Variants in TRIM2 observed in about 807,000 individuals in gnomAD.
The protein encoded by TRIM2 is tripartite motif-containing protein 2.
A neutral mutation model predicts 75.2 loss-of-function variants in TRIM2; 20 were observed. That is an observed-to-expected ratio of 0.27 (90% confidence interval 0.19 to 0.39). The LOEUF (loss-of-function observed/expected upper bound fraction) is 0.39. Ranked by LOEUF, TRIM2 falls within the 10% of genes least tolerant of loss-of-function variation. The pLI, the probability that TRIM2 is intolerant of heterozygous loss-of-function variation, is 1.00. For synonymous variants in TRIM2, 373 were observed against 388.3 expected (o/e 0.96, Z 0.46); for missense variants, 660 against 990.8 (o/e 0.67, Z 4.48).
At chr4:153,276,393 C>T in intron 3 of TRIM2, 1 of 532,480 alleles carries the variant, frequency 1.9e-6, no homozygotes, top group South Asian at 3.3e-5. Flanking sequence ...TATTTGCAAG[C>T]TGACCTACAT....
At position 153,278,619 on chromosome 4, in the gene TRIM2, C is replaced by T. The variant is rs182292150; in HGVS notation, c.453+2489C>T. Among the ~76,000 whole-genome samples the T allele has an allele frequency of 1.6e-3, 241 of 151,980 alleles. 2 individuals carry two copies. The highest frequency in any genetic ancestry group is 5.6e-3 in the African/African-American group (232 of 41,478). The stretch of plus-strand genomic sequence containing the variant: ...TTTGAGACCTGACTGGGCAACATGG[C>T]GAAATCCCACCTCTACCAAAAATAC... On this transcript the variant is annotated intron_variant, in intron 3 of 11. Coordinates refer to ENST00000338700, the MANE Select transcript of TRIM2 (RefSeq NM_015271.5).
chr4:153,155,849 T>G (rs1729183291), intron 1 of TRIM2, among the ~76,000 whole-genome samples: 1 of 152,148 alleles, frequency 6.6e-6, no homozygotes, highest in Admixed American at 6.5e-5. Flanking sequence ...TAGAGAAACG[T>G]TGGTCCATGC....
intron 1 of TRIM2, among the ~76,000 whole-genome samples, chr4:153,154,140 G>T (rs1169643499): frequency 6.6e-6 from 1 of 152,214 alleles, no homozygotes; most frequent in Non-Finnish European, 1.5e-5. Flanking sequence ...CTTCCCTAAA[G>T]GTTCCGAGGA....
chr4:153,201,090 A>G (rs1734318973), upstream of TRIM2, among the ~76,000 whole-genome samples: 1 of 151,978 alleles, frequency 6.6e-6, no homozygotes, highest in Admixed American at 6.6e-5. Flanking sequence ...CAACCTACCG[A>G]GTAGCTGGGA....
At chr4:153,272,579 C>T (rs1209596674) in intron 2 of TRIM2, among the ~76,000 whole-genome samples, 1 of 151,984 alleles carries the variant, frequency 6.6e-6, no homozygotes, top group Non-Finnish European at 1.5e-5. Flanking sequence ...CTCAATTTCC[C>T]AGGCTCCAGA....
chr4:153,251,848 G>A (rs1278817980), intron 1 of TRIM2, among the ~76,000 whole-genome samples: 1 of 152,102 alleles, frequency 6.6e-6, no homozygotes, highest in Admixed American at 6.6e-5. Context: ...TAGCATGGTG[G>A]TACACGCCTG....
intron 1 of TRIM2, among the ~76,000 whole-genome samples, chr4:153,244,358 T>TTCC (rs1229665957): frequency 4.1e-3 from 92 of 22,208 alleles, no homozygotes; most frequent in Non-Finnish European, 5.3e-3. Flanking sequence ...CTTCTTCCTC[T>TTCC]TCTTCTTCTT....
rs749175384 is a variant in TRIM2 at position 153,164,910 on chromosome 4, A to AT, written c.-49+11649dup. 3.3e-3 allele frequency among the ~76,000 whole-genome samples: 494 copies of AT among 151,162 alleles called. 1 individual carries two copies. Among genetic ancestry groups the AT allele is most frequent in the Non-Finnish European group, 5.8e-3 (392 of 67,752 alleles). On this transcript the variant is annotated intron_variant, in intron 1 of 11. Transcript: ENST00000437508. ...AGTTGTGTTTCCTTTCATAGGCTGG[A>AT]TTTTTTTTTGTTTTGTTTTATCCAG...
intron 1 of TRIM2, among the ~76,000 whole-genome samples, chr4:153,160,734 A>G (rs1729659202): frequency 6.6e-6 from 1 of 152,192 alleles, no homozygotes; most frequent in Non-Finnish European, 1.5e-5. Context: ...AGCTGGGACT[A>G]TAGGCATGCA....
intron 8 of TRIM2, among the ~76,000 whole-genome samples, chr4:153,318,105 C>T (rs529781793): frequency 3.0e-4 from 45 of 152,336 alleles, no homozygotes; most frequent in Non-Finnish European, 6.2e-4. Context: ...CTTGTTTGGT[C>T]AGCTGTGATC....
chr4:153,284,113 A>G (rs1760034649), intron 3 of TRIM2, among the ~76,000 whole-genome samples: 2 of 151,474 alleles, frequency 1.3e-5, no homozygotes, highest in African/African-American at 4.9e-5. Flanking sequence ...TCCTGACCTC[A>G]GGTGATCCGC....
At chr4:153,277,430 G>A (rs1385650024) in intron 3 of TRIM2, among the ~76,000 whole-genome samples, 5 of 152,144 alleles carry the variant, frequency 3.3e-5, no homozygotes, top group Admixed American at 3.3e-4. Context: ...CTGTGTATTT[G>A]TGTACTTATT....
intron 1 of TRIM2, among the ~76,000 whole-genome samples, chr4:153,199,200 G>A (rs940580058): frequency 3.9e-5 from 6 of 152,180 alleles, no homozygotes; most frequent in African/African-American, 1.4e-4. Flanking sequence ...TTCTGGCAAA[G>A]TCTTCTTTCC....
At chr4:153,203,587 CAA>C (rs397878558), upstream of TRIM2, among the ~76,000 whole-genome samples, 384 of 131,496 alleles carry the variant, frequency 2.9e-3, 2 homozygotes, top group African/African-American at 8.1e-3. Context: ...GACTCTGTCT[CAA>C]AAAAAAAAAA....
intron 8 of TRIM2, among the ~76,000 whole-genome samples, chr4:153,316,991 C>G (rs1460824853): frequency 6.8e-6 from 1 of 147,676 alleles, no homozygotes; most frequent in African/African-American, 2.5e-5. Flanking sequence ...CGCCATTCTC[C>G]TGCCTCAGCC....
intron 1 of TRIM2, among the ~76,000 whole-genome samples, chr4:153,242,654 G>T (rs551003466): frequency 6.6e-6 from 1 of 152,166 alleles, no homozygotes; most frequent in Non-Finnish European, 1.5e-5. Context: ...TGTGTCTGTT[G>T]TGGAACAGGC....
intron 1 of TRIM2, among the ~76,000 whole-genome samples, chr4:153,211,014 C>A (rs1736840588): frequency 1.3e-5 from 2 of 152,146 alleles, no homozygotes; most frequent in Non-Finnish European, 2.9e-5. Context: ...GGGGATGGGG[C>A]AATGGCAGCC....
Position 153,213,945 on chromosome 4 carries a change from T to C in TRIM2, c.30+9385T>C, listed in dbSNP as rs1251071211. Among the ~76,000 whole-genome samples, 2 of 152,032 alleles carry C rather than the reference T, an allele frequency of 1.3e-5. 1 individual carries two copies. Among genetic ancestry groups the C allele is most frequent in the South Asian group, 4.2e-4 (2 of 4,788 alleles). The stretch of plus-strand genomic sequence containing the variant: ...GTTGGCTACATATTTTGTTCCAGAT[T>C]GCACAATTAGAAAGTGGCAGCTTAG... On this transcript the variant is annotated intron_variant, in intron 1 of 11. Transcript: ENST00000338700.
intron 3 of TRIM2, among the ~76,000 whole-genome samples, chr4:153,276,858 TA>T (rs1405454254): frequency 6.6e-6 from 1 of 152,222 alleles, no homozygotes; most frequent in African/African-American, 2.4e-5. Flanking sequence ...TAAAAAAAAG[TA>T]ATAATAGTAT....
Sources: allele counts gnomAD v4.1 joint callset (sites outside exome capture counted in the v4.1 genomes callset), GRCh38; gene constraint gnomAD v4.1.1; transcripts MANE v1.5; gene names NCBI Gene and HGNC (gene_info 2026-07-23, HGNC 2026-07-21).